The following IMMP2L variants were observed in gnomAD, a reference collection of about 807,000 sequenced individuals.
IMMP2L encodes the protein inner mitochondrial membrane peptidase subunit 2, also known as mitochondrial inner membrane protease subunit 2.
In IMMP2L, 18 loss-of-function variants were observed where a neutral mutation model predicts 19.3. That is an observed-to-expected ratio of 0.93 (90% confidence interval 0.64 to 1.38). IMMP2L has a LOEUF of 1.38. Ranked by LOEUF, IMMP2L falls within the 40% of genes most tolerant of loss-of-function variation. IMMP2L has a pLI of 0.00. For synonymous variants in IMMP2L, 76 were observed against 73.0 expected, an observed-to-expected ratio of 1.04 and a Z score of -0.21; for missense variants, 233 against 218.2, an observed-to-expected ratio of 1.07 and a Z score of -0.43.
chr7:111,297,202 T>C (rs1056572764), intron 3 of IMMP2L, among the ~76,000 whole-genome samples: 1 of 152,056 alleles, frequency 6.6e-6, no homozygotes, highest in Non-Finnish European at 1.5e-5. Flanking sequence ...ACATGTACAC[T>C]GAAATGAATC....
At chr7:110,957,208 C>T (rs1055671307) in intron 4 of IMMP2L, among the ~76,000 whole-genome samples, 5 of 151,874 alleles carry the variant, frequency 3.3e-5, no homozygotes, top group African/African-American at 9.7e-5. Context: ...TCTTTTACAA[C>T]ATTTATTTGT....
chr7:110,676,086 G>A (rs1345824761), intron 5 of IMMP2L, among the ~76,000 whole-genome samples: 1 of 152,180 alleles, frequency 6.6e-6, no homozygotes, highest in Non-Finnish European at 1.5e-5. Flanking sequence ...AGGCTGTAAG[G>A]CTAGTAAATG....
intron 5 of IMMP2L, among the ~76,000 whole-genome samples, chr7:110,743,768 G>C (rs957981859): frequency 6.6e-6 from 1 of 152,156 alleles, no homozygotes; most frequent in East Asian, 1.9e-4. Flanking sequence ...CTTTCCCCAC[G>C]GTGATTCCTT....
chr7:110,697,002 CG>C (rs769508274), intron 5 of IMMP2L, among the ~76,000 whole-genome samples: 37 of 151,942 alleles, frequency 2.4e-4, no homozygotes, highest in Non-Finnish European at 4.3e-4. Context: ...GTATGAGGGT[CG>C]AAATTCGATT....
intron 5 of IMMP2L, among the ~76,000 whole-genome samples, chr7:110,729,101 T>A (rs1311799286): frequency 6.6e-6 from 1 of 152,074 alleles, no homozygotes; most frequent in Non-Finnish European, 1.5e-5. Flanking sequence ...GTCAGGCTTG[T>A]CTCGAACTCC....
chr7:110,824,523 G>A (rs565595811), intron 5 of IMMP2L, among the ~76,000 whole-genome samples: 2 of 151,934 alleles, frequency 1.3e-5, no homozygotes, highest in Non-Finnish European at 2.9e-5. Flanking sequence ...ACACCACCAC[G>A]CCTGGCTTAT....
At chr7:111,287,038 G>A (rs1820564425) in intron 3 of IMMP2L, among the ~76,000 whole-genome samples, 1 of 152,178 alleles carries the variant, frequency 6.6e-6, no homozygotes, top group African/African-American at 2.4e-5. Flanking sequence ...CCATGGGGTT[G>A]TTACTATGAA....
intron 3 of IMMP2L, among the ~76,000 whole-genome samples, chr7:111,198,853 A>C (rs1468309112): frequency 6.6e-6 from 1 of 152,166 alleles, no homozygotes; most frequent in African/African-American, 2.4e-5. Context: ...CTAAGTTCCC[A>C]AAAATAATGT....
intron 3 of IMMP2L, among the ~76,000 whole-genome samples, chr7:111,041,569 G>A (rs528165078): frequency 4.4e-4 from 67 of 150,810 alleles, no homozygotes; most frequent in Non-Finnish European, 4.9e-4. Flanking sequence ...GCGTTTTCCT[G>A]AATCTGTTCA....
intron 3 of IMMP2L, among the ~76,000 whole-genome samples, chr7:111,253,538 C>T (rs532684724): frequency 1.9e-4 from 29 of 151,952 alleles, no homozygotes; most frequent in Non-Finnish European, 3.2e-4. Context: ...GTGAAGACTG[C>T]CAGAAAATAA....
intron 3 of IMMP2L, among the ~76,000 whole-genome samples, chr7:111,349,044 AG>A (rs896956969): frequency 2.0e-5 from 3 of 152,132 alleles, no homozygotes; most frequent in Non-Finnish European, 4.4e-5. Context: ...AACACATCAG[AG>A]GCTGTTTTAT....
chr7:111,099,871 TACAACAAAG>T (rs1183414903), intron 3 of IMMP2L: 1 of 151,642 alleles, frequency 6.6e-6, no homozygotes, highest in African/African-American at 2.4e-5. Context: ...ACTTCTTACA[TACAACAAAG>T]ACGAGGAAGA....
intron 3 of IMMP2L, among the ~76,000 whole-genome samples, chr7:111,306,681 A>C (rs1190242188): frequency 6.7e-6 from 1 of 148,966 alleles, no homozygotes; most frequent in African/African-American, 2.5e-5. Context: ...AAAAGGGGTT[A>C]CTGACTGGGA....
chr7:111,105,787 GAAAT>G (rs951094994), intron 3 of IMMP2L, among the ~76,000 whole-genome samples: 17 of 151,718 alleles, frequency 1.1e-4, no homozygotes, highest in African/African-American at 3.1e-4. Flanking sequence ...AAATATAAAA[GAAAT>G]AGATAGAGAT....
At chr7:111,534,213 A>G (rs1847661693) in intron 1 of IMMP2L, among the ~76,000 whole-genome samples, 1 of 152,158 alleles carries the variant, frequency 6.6e-6, no homozygotes, top group African/African-American at 2.4e-5. Flanking sequence ...GATATGATCA[A>G]CGATATTCAA....
At chr7:111,071,460 A>G (rs1334665589) in intron 3 of IMMP2L, among the ~76,000 whole-genome samples, 1 of 152,228 alleles carries the variant, frequency 6.6e-6, no homozygotes, top group Non-Finnish European at 1.5e-5. Flanking sequence ...CGCACTATTT[A>G]TAATAGTCAG....
chr7:110,689,948 C>G (rs1793379052), intron 5 of IMMP2L, among the ~76,000 whole-genome samples: 1 of 152,254 alleles, frequency 6.6e-6, no homozygotes, highest in East Asian at 1.9e-4. Flanking sequence ...CAGTATATAT[C>G]TTTTCTCATG....
At chr7:111,122,555 G>A (rs1276343765) in intron 3 of IMMP2L, 1 of 533,242 alleles carries the variant, frequency 1.9e-6, no homozygotes, top group East Asian at 3.0e-5. Context: ...TATCATTAAG[G>A]AAATAGTAAC....
intron 5 of IMMP2L, among the ~76,000 whole-genome samples, chr7:110,687,685 G>A (rs933412908): frequency 6.6e-6 from 1 of 151,662 alleles, no homozygotes; most frequent in Non-Finnish European, 1.5e-5. Context: ...TACACTTTTT[G>A]ATGAAATAGC....
Sources: gnomAD v4.1 joint callset for allele counts (sites outside exome capture counted in the v4.1 genomes callset) on GRCh38, gnomAD v4.1.1 for gene constraint, MANE v1.5 for transcripts, NCBI Gene and HGNC (gene_info 2026-07-23, HGNC 2026-07-21) for gene names.